The following PTPRU variants were observed in gnomAD, a reference collection of about 807,000 sequenced individuals.
The protein encoded by PTPRU is receptor-type tyrosine-protein phosphatase U.
A neutral mutation model predicts 166.3 loss-of-function variants in PTPRU; 69 were observed. The ratio of observed to expected loss-of-function variants is 0.41; its 90% CI spans 0.34 to 0.51. PTPRU has a LOEUF of 0.51. PTPRU is among the 20% of genes least tolerant of loss of function. The pLI is 0.09. For synonymous variants in PTPRU, 793 were observed against 814.0 expected, an observed-to-expected ratio of 0.97 and a Z score of 0.44; for missense variants, 1,657 against 2,013.7, an observed-to-expected ratio of 0.82 and a Z score of 3.39.
In PTPRU at chr1:29,282,932, G is replaced by A. The variant is rs1221308050; in HGVS notation, c.2125G>A (p.Ala709Thr). 1.2e-6 allele frequency: 2 copies of A among 1,613,602 alleles called. No homozygotes were observed. The highest frequency in any genetic ancestry group is 1.3e-5 in the African/African-American group (1 of 74,896). ...RKAYLIYFQA[A>T]SHLKGETRLN... ...GGCCTATCTCATCTACTTCCAGGCA[G>A]CAAGCCACCTGAAGGGGGTGAGGGA... Residue 709 changes from alanine to threonine, a missense_variant, in exon 12 of 30, where the codon GCA becomes ACA. Physicochemically the swap from Ala to Thr is moderately conservative, Grantham distance 58. This residue lies in a region of PTPRU where 1,190 missense variants were observed against 1,477.4 expected (regional missense o/e 0.81). Transcript: ENST00000373779.
At position 29,295,272 on chromosome 1, in the gene PTPRU, T is replaced by G. The variant is rs180960232; in HGVS notation, c.2476+3246T>G. 1.5e-4 allele frequency among the ~76,000 whole-genome samples: 23 copies of G among 152,126 alleles called. No homozygotes were observed. In the East Asian group the frequency reaches 4.4e-3, roughly 29 times the overall value. ...TTACTCCAGGCTGGTCTCAAACTCC[T>G]GGGCTCCAGTGATCTGCCCGCCTCA... On this transcript the variant is annotated intron_variant, in intron 15 of 29. Transcript: ENST00000373779.
chr1:29,245,540 T>C (rs1113734), intron 1 of PTPRU, among the ~76,000 whole-genome samples: 118,491 of 151,994 alleles, frequency 0.78, 46,384 homozygotes, highest in African/African-American at 0.81. Context: ...CCAGCCTCCT[T>C]GCACAGCCCT....
Position 29,280,039 on chromosome 1 carries a change from C to T in PTPRU, c.1766C>T (p.Ala589Val). ...CTTGTGACCCTGTCCCCTTCTCCAGCTCCCAGCTTTGATTATGCCGACATG... is the reference window on the plus strand; with the variant it reads ...CTTGTGACCCTGTCCCCTTCTCCAGTTCCCAGCTTTGATTATGCCGACATG... The part of the protein sequence containing the change: ...ALTEITTNIS[A>V]PSFDYADMPS... The change falls in exon 11 of 30, where the codon GCT becomes GTT. Residue 589 changes from alanine (A) to valine (V), a missense_variant and splice_region_variant. Ala to Val is a moderately conservative substitution (Grantham distance 64). This residue lies in a region of PTPRU where 1,190 missense variants were observed against 1,477.4 expected (regional missense o/e 0.81). Coordinates refer to ENST00000373779, the MANE Select transcript of PTPRU (RefSeq NM_133178.4). This position sits in a 1 kb window ranked among gnomAD's most constrained non-coding sequence, Gnocchi z 4.2. The T allele has an allele frequency of 6.2e-7, 1 of 1,612,586 alleles. No individual in the cohort carries two copies. Among genetic ancestry groups the T allele is most frequent in the Non-Finnish European group, 8.5e-7 (1 of 1,178,920 alleles).
Position 29,260,934 on chromosome 1 carries a change from C to A in PTPRU, c.1144+31C>A. 6.7e-7 allele frequency: 1 copy of A among 1,502,570 alleles called. No homozygotes were observed. Among genetic ancestry groups the A allele is most frequent in the South Asian group, 1.3e-5 (1 of 76,278 alleles). The allele number at this position is 1,502,570 out of a possible 1,614,324, so 93.1% of individuals were successfully genotyped here. On this transcript the variant is annotated intron_variant, in intron 7 of 29. Coordinates refer to ENST00000373779, the MANE Select transcript of PTPRU (RefSeq NM_133178.4). This position sits in a 1 kb window ranked among gnomAD's most constrained non-coding sequence, Gnocchi z 8.3. Reference sequence around the variant, plus strand: ...TGCAGCAGCTACCCCTGGCCTCAGTCTCTGGTGGGCCCAGGGCTATGGAGG... The same window carrying A: ...TGCAGCAGCTACCCCTGGCCTCAGTATCTGGTGGGCCCAGGGCTATGGAGG...
Position 29,305,476 on chromosome 1 carries a change from C to T in PTPRU, c.2820+48C>T, listed in dbSNP as rs768533255. The T allele has an allele frequency of 5.1e-6, 8 of 1,565,110 alleles. No individual in the cohort carries two copies. In the South Asian group the frequency reaches 8.9e-5, roughly 17 times the overall value. On this transcript the variant is annotated intron_variant, in intron 18 of 29. Coordinates refer to ENST00000373779, the MANE Select transcript of PTPRU (RefSeq NM_133178.4). The stretch of plus-strand genomic sequence containing the variant: ...TCTGCAGACCTGGCCCTGCCCGCTC[C>T]AGGCTTACTATCCAGGCAGGGCAGA...
At chr1:29,304,726 C>T (rs1309152399) in intron 16 of PTPRU, 48 bp from the exon 17 acceptor site, 3 of 1,382,146 alleles carry the variant, frequency 2.2e-6, no homozygotes, top group Admixed American at 3.8e-5. Context: ...AAGGGGCCCT[C>T]AGTGAGGGTC....
At chr1:29,273,569 A>C in intron 7 of PTPRU, among the ~76,000 whole-genome samples, 1 of 151,828 alleles carries the variant, frequency 6.6e-6, no homozygotes, top group African/African-American at 2.4e-5. Context: ...ACGCCTGGCC[A>C]ACTTTTTATT....
intron 18 of PTPRU, among the ~76,000 whole-genome samples, chr1:29,308,566 C>CAAAAAAAAA (rs754278193): frequency 6.2e-4 from 49 of 79,580 alleles, no homozygotes; most frequent in East Asian, 2.2e-3. Flanking sequence ...GTCCCTGTCT[C>CAAAAAAAAA]AAAAAAAAAA....
Position 29,301,732 on chromosome 1 carries a change from C to A in PTPRU, c.2477-2123C>A, listed in dbSNP as rs769410540. Among the ~76,000 whole-genome samples the A allele has an allele frequency of 2.6e-5, 4 of 152,150 alleles. No individual in the cohort carries two copies. In the East Asian group the frequency reaches 7.7e-4, roughly 29 times the overall value. On this transcript the variant is annotated intron_variant, in intron 15 of 29. Transcript: ENST00000373779. ...ATATCTCCTAATGCTATCCTTCCCC[C>A]CTCCCCTCATCCCATGACAGGCCCC...
chr1:29,275,897 G>A, intron 8 of PTPRU, 141 bp downstream of exon 8: 2 of 929,590 alleles, frequency 2.2e-6, no homozygotes, highest in Non-Finnish European at 3.2e-6. Context: ...AGTAGTGATA[G>A]CTCCTATTTT....
At chr1:29,275,026 G>A (rs1233519387) in intron 7 of PTPRU, among the ~76,000 whole-genome samples, 1 of 150,536 alleles carries the variant, frequency 6.6e-6, no homozygotes, top group Non-Finnish European at 1.5e-5. Context: ...CTCCCTCCTG[G>A]GTGACAGAGT....
chr1:29,303,665 A>G (rs911398462), intron 15 of PTPRU, among the ~76,000 whole-genome samples, 190 bp from the exon 16 acceptor site: 1 of 152,062 alleles, frequency 6.6e-6, no homozygotes, highest in East Asian at 1.9e-4. Flanking sequence ...GGTGGAACCG[A>G]GATTTGGAGG....
rs950303063 is a variant in PTPRU, at chr1:29,237,759, C to T, written c.73+1042C>T. Among the ~76,000 whole-genome samples, 4 of 148,206 alleles carry T rather than the reference C, an allele frequency of 2.7e-5. No homozygotes were observed. The highest frequency in any genetic ancestry group is 2.7e-4 in the Admixed American group (4 of 14,942). ...GCGGGCGGCTGATCCGAGGCGGCGC[C>T]GGGGCTGCGGGGCGCCCGGGCCAGC... On this transcript the variant is annotated intron_variant, in intron 1 of 29. Coordinates refer to ENST00000373779, the MANE Select transcript of PTPRU (RefSeq NM_133178.4). The surrounding 1 kb of genome is among the most constrained non-coding windows in gnomAD (Gnocchi z 6.4).
chr1:29,266,728 TGGTAG>T (rs1353369305), intron 7 of PTPRU, among the ~76,000 whole-genome samples: 1 of 152,174 alleles, frequency 6.6e-6, no homozygotes, highest in African/African-American at 2.4e-5. Context: ...CTATTGTGGT[TGGTAG>T]GGATATATGA....
rs1266234032 is a variant in PTPRU, at chr1:29,257,394, C to T, written c.206-1111C>T. 6.6e-6 allele frequency among the ~76,000 whole-genome samples: 1 copy of T among 152,166 alleles called. No individual in the cohort carries two copies. The highest frequency in any genetic ancestry group is 2.1e-4 in the South Asian group (1 of 4,826). On this transcript the variant is annotated intron_variant, in intron 2 of 29. Transcript: ENST00000373779. This position sits in a 1 kb window ranked among gnomAD's most constrained non-coding sequence, Gnocchi z 4.6. ...TGAATGAGATCGCCTCCAGCAGAGT[C>T]CCTGGGGAGCCCTCCTGGAGCGGGG... is the stretch of plus-strand genomic sequence containing the variant.
At chr1:29,297,982 G>T (rs1048772847) in intron 15 of PTPRU, among the ~76,000 whole-genome samples, 1 of 152,124 alleles carries the variant, frequency 6.6e-6, no homozygotes, top group Non-Finnish European at 1.5e-5. Context: ...AAGGTGCTAG[G>T]CGCGGTGGCT....
In PTPRU at chr1:29,260,931, A is replaced by T; in HGVS notation, c.1144+28A>T. The T allele has an allele frequency of 1.3e-6, 2 of 1,506,076 alleles. No homozygotes were observed. Among genetic ancestry groups the T allele is most frequent in the Non-Finnish European group, 1.8e-6 (2 of 1,132,428 alleles). 93.3% of individuals were successfully genotyped at this position (1,506,076 alleles called of 1,614,324 possible). On this transcript the variant is annotated intron_variant, in intron 7 of 29. Transcript: ENST00000373779. The surrounding 1 kb of genome is among the most constrained non-coding windows in gnomAD (Gnocchi z 8.3). ...GGGTGCAGCAGCTACCCCTGGCCTC[A>T]GTCTCTGGTGGGCCCAGGGCTATGG...
Position 29,280,649 on chromosome 1 carries a change from CTGTGTG to C in PTPRU, c.1868+534_1868+539del, listed in dbSNP as rs140481299. 2.5e-4 allele frequency among the ~76,000 whole-genome samples: 36 copies of C among 144,110 alleles called. No homozygotes were observed. The highest frequency in any genetic ancestry group is 7.4e-4 in the African/African-American group (29 of 39,178). The allele number at this position is 144,110 out of a possible 152,430, so 94.5% of individuals were successfully genotyped here. A position where few individuals can be genotyped will look rare whatever the true frequency, so the allele number is the denominator to read the frequency against. On this transcript the variant is annotated intron_variant, in intron 11 of 29. Transcript: ENST00000373779. This position sits in a 1 kb window ranked among gnomAD's most constrained non-coding sequence, Gnocchi z 4.2. The stretch of plus-strand genomic sequence containing the variant: ...TGGGGAGAGGGTGCTGGAGACAAGA[CTGTGTG>C]TGTGTGTGTGTGTGTGTGTGTGTGT...
Position 29,315,906 on chromosome 1 carries a change from A to G in PTPRU, c.3364-96A>G, listed in dbSNP as rs1687880852. 2 of 1,458,896 alleles carry G rather than the reference A, an allele frequency of 1.4e-6. No individual in the cohort carries two copies. The highest frequency in any genetic ancestry group is 1.9e-6 in the Non-Finnish European group (2 of 1,073,680). 90.4% of individuals were successfully genotyped at this position (1,458,896 alleles called of 1,614,324 possible). A position where few individuals can be genotyped will look rare whatever the true frequency, so the allele number is the denominator to read the frequency against. ...TAACATGGTTGGCCTCCACCTCAGGACACCCTGCTTCAACCTTGAGCTTGC... is the reference window on the plus strand; with the variant it reads ...TAACATGGTTGGCCTCCACCTCAGGGCACCCTGCTTCAACCTTGAGCTTGC... On this transcript the variant is annotated intron_variant, in intron 23 of 29. Coordinates refer to ENST00000373779, the MANE Select transcript of PTPRU (RefSeq NM_133178.4). The surrounding 1 kb of genome is among the most constrained non-coding windows in gnomAD (Gnocchi z 4.5).
Sources: gnomAD v4.1 joint callset for allele counts (sites outside exome capture counted in the v4.1 genomes callset) on GRCh38, gnomAD v4.1.1 for gene constraint, gnomAD v4.1.1 regional missense constraint, Gnocchi (gnomAD v3.1) non-coding constraint, MANE v1.5 for transcripts, NCBI Gene and HGNC (gene_info 2026-07-23, HGNC 2026-07-21) for gene names.